Variants in ATP6AP2 observed in about 807,000 individuals in gnomAD.
ATP6AP2 encodes renin receptor.
Under a neutral mutation model 23.4 loss-of-function variants are expected in ATP6AP2, and 1 was observed. The ratio of observed to expected loss-of-function variants is 0.04; its 90% confidence interval spans 0.02 to 0.20. The LOEUF (loss-of-function observed/expected upper bound fraction) is 0.20. Ranked by LOEUF, ATP6AP2 falls within the 10% of genes least tolerant of loss-of-function variation. The pLI is 1.00. For synonymous variants in ATP6AP2, 90 were observed against 97.1 expected (o/e 0.93, Z 0.43); for missense variants, 174 against 271.3 (o/e 0.64, Z 2.52).
At chrX:40,586,535 C>T (rs951510129) in intron 1 of ATP6AP2, among the ~76,000 whole-genome samples, 6 of 111,636 alleles carry the variant, frequency 5.4e-5, no homozygotes, top group Admixed American at 1.9e-4. Context: ...TCTGGTGAGA[C>T]TGAGTTGGGG....
Position 40,591,231 on chromosome X carries a change from T to A in ATP6AP2, c.169-3T>A. On this transcript the variant is annotated splice_polypyrimidine_tract_variant and splice_region_variant and intron_variant, in intron 2 of 8. Transcript: ENST00000636580. ...GCACCGCTTTGTGCTTTTCAATGTT[T>A]AGGACCTTTCTTGGCCAGGACTCGC... is the stretch of plus-strand genomic sequence containing the variant. The A allele has an allele frequency of 8.3e-7, 1 of 1,210,366 alleles. No homozygotes were observed. The highest frequency in any genetic ancestry group is 1.1e-6 in the Non-Finnish European group (1 of 895,457).
chrX:40,585,378 A>C (rs1926438285), intron 1 of ATP6AP2, among the ~76,000 whole-genome samples: 1 of 111,903 alleles, frequency 8.9e-6, no homozygotes, highest in African/African-American at 3.2e-5. Flanking sequence ...GGAAAGAAAC[A>C]GAGGAGAAGC....
intron 2 of ATP6AP2, chrX:40,589,343 G>A (rs1926564328): frequency 2.8e-6 from 1 of 363,626 alleles, no homozygotes; most frequent in African/African-American, 2.6e-5. Flanking sequence ...GACCAACCTG[G>A]GCAACATAGT....
chrX:40,599,099 A>G, intron 6 of ATP6AP2: 1 of 232,886 alleles, frequency 4.3e-6, no homozygotes, highest in Non-Finnish European at 7.6e-6. Context: ...AGTCAAGTCA[A>G]GAAGGGACGA....
intron 2 of ATP6AP2, chrX:40,590,936 A>G (rs2060797794): frequency 1.6e-5 from 4 of 251,276 alleles, no homozygotes; most frequent in Non-Finnish European, 2.8e-5. Flanking sequence ...GTGATCTGAA[A>G]TTTGAAAGGT....
intron 8 of ATP6AP2, among the ~76,000 whole-genome samples, chrX:40,602,010 G>A (rs1305336519): frequency 9.0e-6 from 1 of 110,536 alleles, no homozygotes; most frequent in Non-Finnish European, 1.9e-5. Flanking sequence ...GGCTGGGTGT[G>A]GTGGCTCACG....
chrX:40,597,684 G>A lies in ATP6AP2; in HGVS notation c.534+20G>A. ...AATGAAGTAAGTGCAGTTATTCAAT[G>A]AATACATGAATATCATTAATTTCCG... On this transcript the variant is annotated intron_variant, in intron 5 of 8. Transcript: ENST00000636580. 8.6e-7 allele frequency: 1 copy of A among 1,167,885 alleles called. No homozygotes were observed. Among genetic ancestry groups the A allele is most frequent in the Non-Finnish European group, 1.2e-6 (1 of 856,258 alleles).
intron 2 of ATP6AP2, chrX:40,590,081 C>T (rs1018845641): frequency 9.0e-6 from 1 of 111,510 alleles, no homozygotes; most frequent in African/African-American, 3.3e-5. Context: ...CTGGCTGTGT[C>T]ACCCAAGCTG....
At chrX:40,594,515 A>T (rs1304585769) in intron 3 of ATP6AP2, among the ~76,000 whole-genome samples, 2 of 112,737 alleles carry the variant, frequency 1.8e-5, no homozygotes, top group Non-Finnish European at 3.7e-5. Context: ...GAAAATTTTG[A>T]TATAACTATT....
At chrX:40,602,283 A>G (rs1357421027) in intron 8 of ATP6AP2, among the ~76,000 whole-genome samples, 2 of 99,843 alleles carry the variant, frequency 2.0e-5, no homozygotes, top group Non-Finnish European at 3.8e-5. Context: ...CTCCGTCTCA[A>G]ATAAAAAAAA....
intron 5 of ATP6AP2, 61 bp from the exon 6 acceptor site, chrX:40,598,620 G>T: frequency 9.4e-7 from 1 of 1,066,937 alleles, no homozygotes. Context: ...TTGGTAAATG[G>T]CAAATAAAGA....
chrX:40,581,169 G>A (rs745354255), intron 1 of ATP6AP2, 67 bp downstream of exon 1: 4 of 1,015,547 alleles, frequency 3.9e-6, no homozygotes, highest in Admixed American at 4.5e-5. Flanking sequence ...GGGGGTCGGG[G>A]GCGGCCGCGG....
intron 8 of ATP6AP2, 48 bp downstream of exon 8, chrX:40,600,929 T>TAC: frequency 3.0e-6 from 3 of 1,001,951 alleles, no homozygotes; most frequent in South Asian, 2.2e-5. Context: ...ATTAACTTCT[T>TAC]ATAAAAAAAA....
At chrX:40,581,157 T>C in intron 1 of ATP6AP2, 55 bp downstream of exon 1, 1 of 1,069,167 alleles carries the variant, frequency 9.4e-7, no homozygotes, top group Non-Finnish European at 1.2e-6. Context: ...GCCGCGGGGC[T>C]TGGGGGTCGG....
intron 1 of ATP6AP2, 73 bp downstream of exon 1, chrX:40,581,175 C>T: frequency 9.9e-7 from 1 of 1,005,808 alleles, no homozygotes; most frequent in Non-Finnish European, 1.3e-6. Flanking sequence ...CGGGGGCGGC[C>T]GCGGGCGAGT....
At chrX:40,582,449 A>G (rs1926353220) in intron 1 of ATP6AP2, among the ~76,000 whole-genome samples, 1 of 111,332 alleles carries the variant, frequency 9.0e-6, no homozygotes, top group Non-Finnish European at 1.9e-5. Flanking sequence ...CAAACATACA[A>G]ACAAACCAAA....
chrX:40,603,233 C>T (rs1926984465), intron 8 of ATP6AP2: 1 of 109,520 alleles, frequency 9.1e-6, no homozygotes, highest in Admixed American at 9.8e-5. Context: ...CATGCCCGGC[C>T]TATGAGATTT....
chrX:40,596,515 G>A (rs997069881), intron 3 of ATP6AP2, among the ~76,000 whole-genome samples: 4 of 111,411 alleles, frequency 3.6e-5, no homozygotes, highest in African/African-American at 9.8e-5. Context: ...CTTCGAGGGC[G>A]CTGATAGTGT....
chrX:40,588,544 G>A (rs889993071), intron 1 of ATP6AP2, among the ~76,000 whole-genome samples: 3 of 111,078 alleles, frequency 2.7e-5, no homozygotes, highest in Non-Finnish European at 5.7e-5. Flanking sequence ...GTCTGTGCCT[G>A]GGCTTTGTTT....
Sources: allele counts gnomAD v4.1 joint callset (sites outside exome capture counted in the v4.1 genomes callset), GRCh38; gene constraint gnomAD v4.1.1; transcripts MANE v1.5; gene names NCBI Gene and HGNC (gene_info 2026-07-23, HGNC 2026-07-21).